The following PTPRG variants were observed in gnomAD, a reference collection of about 807,000 sequenced individuals.
PTPRG encodes protein tyrosine phosphatase receptor type G.
Under a neutral mutation model 165.3 loss-of-function variants are expected in PTPRG, and 102 were observed. The observed-to-expected ratio is 0.62, with a 90% CI of 0.53 to 0.73. The LOEUF (loss-of-function observed/expected upper bound fraction) is 0.73, where lower values mean the gene tolerates loss of function less well. Ranked by LOEUF, PTPRG falls within the 30% of genes least tolerant of loss-of-function variation. The pLI is 0.00. For synonymous variants in PTPRG, 675 were observed against 669.5 expected (o/e 1.01, Z -0.13); for missense variants, 1,866 against 1,861.4 (o/e 1.00, Z -0.05).
intron 2 of PTPRG, among the ~76,000 whole-genome samples, chr3:61,939,963 T>C (rs1162979510): frequency 9.8e-6 from 1 of 102,542 alleles, no homozygotes; most frequent in East Asian, 3.1e-4. Flanking sequence ...TTTTTTTTTT[T>C]TGAGACAGTC....
intron 1 of PTPRG, among the ~76,000 whole-genome samples, chr3:61,564,478 C>T (rs573479677): frequency 1.5e-4 from 23 of 152,266 alleles, no homozygotes; most frequent in Non-Finnish European, 3.1e-4. Flanking sequence ...TTTTCGTCTT[C>T]TCATTTTCTT....
chr3:62,067,038 C>CA lies in PTPRG; in HGVS notation c.520-11102dup, dbSNP rs58056271. 3.4e-3 allele frequency among the ~76,000 whole-genome samples: 382 copies of CA among 111,930 alleles called. 1 individual carries two copies. Among genetic ancestry groups the CA allele is most frequent in the African/African-American group, 8.6e-3 (241 of 28,112 alleles). 73.4% of individuals were successfully genotyped at this position (111,930 alleles called of 152,430 possible). On this transcript the variant is annotated intron_variant, in intron 4 of 29. Coordinates refer to ENST00000474889, the MANE Select transcript of PTPRG (RefSeq NM_002841.4). ...GGCGACAAAGTGAGAGATTCTGACT[C>CA]AAAAAAAAAAAAAAAAAAAAAAATC...
intron 24 of PTPRG, 160 bp from the exon 25 acceptor site, chr3:62,276,812 G>C (rs1237728489): frequency 1.7e-6 from 1 of 595,180 alleles, no homozygotes; most frequent in Non-Finnish European, 3.0e-6. Context: ...TTTACATTCT[G>C]CCTCAGCTGA....
intron 2 of PTPRG, among the ~76,000 whole-genome samples, chr3:61,966,514 T>C (rs2040275756): frequency 6.6e-6 from 1 of 152,214 alleles, no homozygotes; most frequent in African/African-American, 2.4e-5. Flanking sequence ...TGCCTTCTGG[T>C]GGCCCAGGTA....
chr3:61,765,721 G>T (rs992206117), intron 2 of PTPRG, among the ~76,000 whole-genome samples: 1 of 152,168 alleles, frequency 6.6e-6, no homozygotes, highest in Admixed American at 6.5e-5. Flanking sequence ...TTTGATAAGG[G>T]TTACATAAAT....
intron 1 of PTPRG, among the ~76,000 whole-genome samples, chr3:61,681,053 C>CT (rs1321076140): frequency 6.2e-5 from 1 of 16,082 alleles, no homozygotes; most frequent in Non-Finnish European, 1.2e-4. Context: ...TCTTTATGTT[C>CT]TAAAAAAAAA....
intron 2 of PTPRG, among the ~76,000 whole-genome samples, chr3:61,842,684 CAAAAA>C (rs199500194): frequency 7.6e-4 from 92 of 121,632 alleles, no homozygotes; most frequent in African/African-American, 9.3e-4. Flanking sequence ...GTATGTGTGG[CAAAAA>C]AAAAAAAAAA....
At chr3:62,005,261 G>T (rs2041268362) in intron 4 of PTPRG, among the ~76,000 whole-genome samples, 1 of 152,072 alleles carries the variant, frequency 6.6e-6, no homozygotes, top group Admixed American at 6.5e-5. Context: ...TACTTAATTG[G>T]TTCTCTTCCA....
chr3:61,809,069 TATC>T (rs958247635), intron 2 of PTPRG, among the ~76,000 whole-genome samples: 9 of 150,762 alleles, frequency 6.0e-5, no homozygotes, highest in Admixed American at 1.3e-4. Flanking sequence ...TCCATAGAGT[TATC>T]ATAAGAATAA....
At chr3:61,563,711 G>C (rs1012214327) in intron 1 of PTPRG, among the ~76,000 whole-genome samples, 1 of 152,226 alleles carries the variant, frequency 6.6e-6, no homozygotes, top group Admixed American at 6.5e-5. Flanking sequence ...ACAGACGCCT[G>C]TCCTCGGGCG....
intron 1 of PTPRG, among the ~76,000 whole-genome samples, chr3:61,599,425 G>A (rs559392837): frequency 8.2e-4 from 125 of 152,278 alleles, no homozygotes; most frequent in Admixed American, 8.2e-3. Flanking sequence ...TGAGATTACA[G>A]GCATGACCCA....
chr3:62,041,710 AGATGTCATATACCGAG>A (rs1165206123), intron 4 of PTPRG, among the ~76,000 whole-genome samples: 2 of 152,222 alleles, frequency 1.3e-5, no homozygotes, highest in African/African-American at 4.8e-5. Context: ...ATCTTCTATT[AGATGTCATATACCGAG>A]ATATGACGGT....
chr3:62,190,257 G>A lies in PTPRG; in HGVS notation c.1034-1212G>A, dbSNP rs376602608. Among the ~76,000 whole-genome samples the A allele has an allele frequency of 6.6e-6, 1 of 152,160 alleles. No individual in the cohort carries two copies. Among genetic ancestry groups the A allele is most frequent in the Non-Finnish European group, 1.5e-5 (1 of 68,026 alleles). On this transcript the variant is annotated intron_variant, in intron 8 of 29. Transcript: ENST00000474889. This position sits in a 1 kb window ranked among gnomAD's most constrained non-coding sequence, Gnocchi z 5.2. The stretch of plus-strand genomic sequence containing the variant: ...ACTGGCATCTAGCAGATGGAGGCCA[G>A]GGATGCTGCTATACAGTACACAGGA...
chr3:61,679,260 A>G lies in PTPRG; in HGVS notation c.86-69618A>G, dbSNP rs141146036. On this transcript the variant is annotated intron_variant, in intron 1 of 29. Coordinates refer to ENST00000474889, the MANE Select transcript of PTPRG (RefSeq NM_002841.4). ...GCCATCGCATTTGGCAAGGAGCCCAACTGCGCATTGGGTTCATTATAAAAG... is the reference window on the plus strand; with the variant it reads ...GCCATCGCATTTGGCAAGGAGCCCAGCTGCGCATTGGGTTCATTATAAAAG... 2.4e-4 allele frequency among the ~76,000 whole-genome samples: 37 copies of G among 152,318 alleles called. No homozygotes were observed. In the East Asian group the frequency reaches 5.0e-3, roughly 21 times the overall value.
At chr3:61,968,273 T>A (rs2040313168) in intron 2 of PTPRG, among the ~76,000 whole-genome samples, 2 of 152,236 alleles carry the variant, frequency 1.3e-5, no homozygotes, top group South Asian at 2.1e-4. Context: ...TTTTTGCTTT[T>A]TTCATCATCC....
intron 2 of PTPRG, among the ~76,000 whole-genome samples, chr3:61,977,657 T>A (rs9985446): frequency 0.42 from 64,043 of 151,762 alleles, 14,255 homozygotes; most frequent in African/African-American, 0.58. Flanking sequence ...TATGGTTTTT[T>A]AAAAAGTTTA....
intron 13 of PTPRG, among the ~76,000 whole-genome samples, chr3:62,230,060 A>G (rs1261296714): frequency 6.6e-6 from 1 of 152,208 alleles, no homozygotes; most frequent in Non-Finnish European, 1.5e-5. Context: ...TTTGTAGGAC[A>G]GTTGTTGTAG....
chr3:61,899,449 G>T (rs1395017806), intron 2 of PTPRG, among the ~76,000 whole-genome samples: 1 of 152,160 alleles, frequency 6.6e-6, no homozygotes, highest in Non-Finnish European at 1.5e-5. Flanking sequence ...AGTGAACATG[G>T]TGAAAACTTG....
At chr3:62,239,881 A>T (rs1701119392) in intron 14 of PTPRG, among the ~76,000 whole-genome samples, 1 of 152,146 alleles carries the variant, frequency 6.6e-6, no homozygotes, top group Admixed American at 6.5e-5. Flanking sequence ...GCAAGTTAAA[A>T]TACAATGTCA....
Sources: gnomAD v4.1 joint callset for allele counts (sites outside exome capture counted in the v4.1 genomes callset) on GRCh38, gnomAD v4.1.1 for gene constraint, Gnocchi (gnomAD v3.1) non-coding constraint, MANE v1.5 for transcripts, NCBI Gene and HGNC (gene_info 2026-07-23, HGNC 2026-07-21) for gene names.